ZNF131: variants seen among roughly 807,000 people sequenced by gnomAD.
ZNF131 encodes the protein zinc finger protein 131.
In ZNF131, 7 loss-of-function variants were observed where a neutral mutation model predicts 60.0. The ratio of observed to expected loss-of-function variants is 0.12; its 90% CI spans 0.07 to 0.22. ZNF131 has a LOEUF of 0.22. ZNF131 is among the 10% of genes least tolerant of loss of function. ZNF131 has a pLI of 1.00. For synonymous variants in ZNF131, 257 were observed against 253.2 expected (o/e 1.01, Z -0.14); for missense variants, 493 against 740.9 (o/e 0.67, Z 3.88).
chr5:43,173,101 T>C, intron 5 of ZNF131: 1 of 351,812 alleles, frequency 2.8e-6, no homozygotes, highest in Non-Finnish European at 5.0e-6. Context: ...TTTATCTTTG[T>C]CAAAGCATAT....
intron 4 of ZNF131, among the ~76,000 whole-genome samples, chr5:43,159,909 C>G (rs10057386): frequency 5.7e-4 from 86 of 151,314 alleles, no homozygotes; most frequent in Admixed American, 3.2e-3. Context: ...GCGCGGTGGC[C>G]CACGCCTGTA....
rs759374241 is a variant in ZNF131, at chr5:43,174,568, G to A, written c.1307G>A (p.Arg436Lys). The change falls in exon 7 of 7, where the codon AGG becomes AAG. Residue 436 changes from arginine to lysine, a missense_variant. This residue lies in a region of ZNF131 where 33 missense variants were observed against 67.9 expected (regional missense o/e 0.49). Transcript: ENST00000682664. ...TGGTTTATGCAAGGAAATGAATTAA[G>A]GAGGCATCTCAGTGATGCTCACAAT... The part of the protein sequence containing the change: ...DLWFMQGNEL[R>K]RHLSDAHNIS... 1.2e-6 allele frequency: 2 copies of A among 1,610,648 alleles called. No homozygotes were observed. Among genetic ancestry groups the A allele is most frequent in the East Asian group, 4.5e-5 (2 of 44,886 alleles).
intron 3 of ZNF131, among the ~76,000 whole-genome samples, chr5:43,128,746 T>C (rs1014647463): frequency 6.7e-6 from 1 of 149,894 alleles, no homozygotes; most frequent in Non-Finnish European, 1.5e-5. Flanking sequence ...ATTCCAAAGA[T>C]CAGGTACCAG....
At chr5:43,148,571 C>T (rs1449983364) in intron 4 of ZNF131, among the ~76,000 whole-genome samples, 3 of 152,130 alleles carry the variant, frequency 2.0e-5, no homozygotes, top group Non-Finnish European at 4.4e-5. Context: ...CTCAGATCTG[C>T]TGTTGTAGCA....
At position 43,175,763 on chromosome 5, in the gene ZNF131, A is replaced by G. The variant is rs1579937291; in HGVS notation, c.*630A>G. Reference sequence around the variant, plus strand: ...ACACCCATGTGCCTTCTCAAAACCAACTGAACTTCTATAAAGCATCTCTGG... The same window carrying G: ...ACACCCATGTGCCTTCTCAAAACCAGCTGAACTTCTATAAAGCATCTCTGG... On this transcript the variant is annotated 3_prime_UTR_variant, in exon 7 of 7. Transcript: ENST00000682664. 7.3e-6 allele frequency: 2 copies of G among 274,054 alleles called. No individual in the cohort carries two copies. Among genetic ancestry groups the G allele is most frequent in the South Asian group, 1.2e-4 (2 of 17,286 alleles). The allele number at this position is 274,054 out of a possible 1,614,324, so 17.0% of individuals were successfully genotyped here.
intron 2 of ZNF131, 72 bp downstream of exon 2, chr5:43,122,249 T>C: frequency 3.9e-6 from 2 of 511,512 alleles, no homozygotes; most frequent in Non-Finnish European, 5.4e-6. Flanking sequence ...CACCCGCCTT[T>C]TTTTTTTTTT....
chr5:43,135,391 G>A (rs1047699971), intron 3 of ZNF131, among the ~76,000 whole-genome samples: 1 of 152,138 alleles, frequency 6.6e-6, no homozygotes. Flanking sequence ...TAAAGTAACT[G>A]GGAATAGGCT....
chr5:43,129,836 G>A (rs142473248), intron 3 of ZNF131, among the ~76,000 whole-genome samples: 227 of 152,140 alleles, frequency 1.5e-3, no homozygotes, highest in African/African-American at 5.3e-3. Context: ...TGTATTTTTA[G>A]TAGAGACGGC....
At chr5:43,152,305 G>A (rs530555748) in intron 4 of ZNF131, among the ~76,000 whole-genome samples, 2 of 152,100 alleles carry the variant, frequency 1.3e-5, no homozygotes, top group East Asian at 3.9e-4. Context: ...TCCCAGCCGA[G>A]TCTGTCCTAT....
At chr5:43,144,855 TGTC>T (rs1747377162) in intron 4 of ZNF131, among the ~76,000 whole-genome samples, 2 of 151,780 alleles carry the variant, frequency 1.3e-5, no homozygotes, top group Non-Finnish European at 2.9e-5. Flanking sequence ...GAATGCCATC[TGTC>T]TGCTTGTTCA....
At chr5:43,147,186 A>T (rs540822681) in intron 4 of ZNF131, among the ~76,000 whole-genome samples, 2 of 151,020 alleles carry the variant, frequency 1.3e-5, no homozygotes, top group Admixed American at 1.3e-4. Flanking sequence ...AGTATTCCAC[A>T]GTGTGGGTAT....
chr5:43,152,073 T>A (rs1304703857), intron 4 of ZNF131, among the ~76,000 whole-genome samples: 1 of 151,870 alleles, frequency 6.6e-6, no homozygotes, highest in Non-Finnish European at 1.5e-5. Flanking sequence ...TGACATGATC[T>A]TGGCTCACTG....
chr5:43,132,348 T>A (rs1292628803), intron 3 of ZNF131, among the ~76,000 whole-genome samples: 3 of 152,158 alleles, frequency 2.0e-5, no homozygotes, highest in Non-Finnish European at 2.9e-5. Context: ...TAACTTGGTC[T>A]TTTTATATTT....
intron 3 of ZNF131, among the ~76,000 whole-genome samples, chr5:43,130,698 G>C (rs1204950405): frequency 6.6e-6 from 1 of 151,864 alleles, no homozygotes; most frequent in Non-Finnish European, 1.5e-5. Context: ...TCGAGTAGCT[G>C]GGATTACAGG....
chr5:43,137,688 A>G (rs1746301959), intron 3 of ZNF131, among the ~76,000 whole-genome samples: 3 of 152,226 alleles, frequency 2.0e-5, no homozygotes, highest in Non-Finnish European at 2.9e-5. Context: ...ATGTTCCTTA[A>G]AAAATTAAAA....
At chr5:43,135,706 G>A (rs1745996244) in intron 3 of ZNF131, among the ~76,000 whole-genome samples, 1 of 152,222 alleles carries the variant, frequency 6.6e-6, no homozygotes, top group African/African-American at 2.4e-5. Context: ...GGGCGACAGA[G>A]CGAGACTCCG....
intron 4 of ZNF131, among the ~76,000 whole-genome samples, chr5:43,155,297 T>C (rs900429259): frequency 6.6e-5 from 10 of 152,134 alleles, no homozygotes; most frequent in African/African-American, 2.2e-4. Context: ...CACCCCCAAA[T>C]GGGAATATCA....
At chr5:43,144,975 T>G (rs1458845223) in intron 4 of ZNF131, among the ~76,000 whole-genome samples, 1 of 151,970 alleles carries the variant, frequency 6.6e-6, no homozygotes, top group Non-Finnish European at 1.5e-5. Flanking sequence ...CTTCTATTAT[T>G]CTGTATTTTT....
At chr5:43,140,120 TGGGAG>T (rs58338678) in intron 4 of ZNF131, among the ~76,000 whole-genome samples, 106,018 of 151,312 alleles carry the variant, frequency 0.7, 37,456 homozygotes, top group East Asian at 0.84. Context: ...GGAGCTGAGG[TGGGAG>T]GGGAGGATCA....
Sources: allele counts gnomAD v4.1 joint callset (sites outside exome capture counted in the v4.1 genomes callset), GRCh38; gene constraint gnomAD v4.1.1; regional missense constraint gnomAD v4.1.1; transcripts MANE v1.5; gene names NCBI Gene and HGNC (gene_info 2026-07-23, HGNC 2026-07-21).